GRIK4: variants seen among roughly 807,000 people sequenced by gnomAD.
The protein encoded by GRIK4 is glutamate ionotropic receptor kainate type subunit 4, also known as glutamate receptor ionotropic, kainate 4.
A neutral mutation model predicts 104.9 loss-of-function variants in GRIK4; 40 were observed. The observed-to-expected ratio is 0.38, with a 90% CI of 0.30 to 0.50. GRIK4 has a LOEUF of 0.50. Among genes scored for constraint, GRIK4 ranks in the 20% least tolerant of loss-of-function variants. The pLI is 0.93. For synonymous variants in GRIK4, 485 were observed against 524.9 expected (o/e 0.92, Z 1.04); for missense variants, 1,047 against 1,308.1 (o/e 0.80, Z 3.08).
In GRIK4 at chr11:120,882,354, G is replaced by A. The variant is rs76246970; in HGVS notation, c.1164+7111G>A. ...CAGATCCTTTGAAGCTGCTTCTGCC[G>A]GAGCCTGGCTCAGAGTGCTGGAGCC... On this transcript the variant is annotated intron_variant, in intron 11 of 20. Coordinates refer to ENST00000527524, the MANE Select transcript of GRIK4 (RefSeq NM_014619.5). 1.2e-4 allele frequency among the ~76,000 whole-genome samples: 18 copies of A among 152,330 alleles called. No homozygotes were observed. In the East Asian group the frequency reaches 2.7e-3, roughly 23 times the overall value.
At chr11:120,780,611 G>C (rs142521720) in intron 3 of GRIK4, among the ~76,000 whole-genome samples, 75 of 152,300 alleles carry the variant, frequency 4.9e-4, no homozygotes, top group African/African-American at 1.8e-3. Flanking sequence ...ATCAATTTGA[G>C]ACCCTGCTTT....
chr11:120,843,517 A>G (rs1442354549), intron 8 of GRIK4, among the ~76,000 whole-genome samples: 1 of 152,248 alleles, frequency 6.6e-6, no homozygotes, highest in African/African-American at 2.4e-5. Flanking sequence ...GTGTATGGCA[A>G]TATCAATAGT....
At chr11:120,982,263 A>G in intron 20 of GRIK4, 39 bp downstream of exon 20, 2 of 1,100,350 alleles carry the variant, frequency 1.8e-6, no homozygotes, top group Non-Finnish European at 2.8e-6. Context: ...GTGTTGGCAG[A>G]TGGGGTGAAG....
intron 19 of GRIK4, among the ~76,000 whole-genome samples, chr11:120,971,653 T>C (rs1041653843): frequency 8.5e-5 from 13 of 152,164 alleles, no homozygotes; most frequent in Non-Finnish European, 1.5e-5. Context: ...ATAGTTGCTG[T>C]AATGGTTGCA....
At chr11:120,746,345 A>G (rs1293021528) in intron 3 of GRIK4, among the ~76,000 whole-genome samples, 2 of 152,176 alleles carry the variant, frequency 1.3e-5, no homozygotes, top group Non-Finnish European at 2.9e-5. Context: ...GGGAGGTACA[A>G]CTGTGTAAGA....
rs1942802829 is a variant in GRIK4, at chr11:120,903,784, A to G, written c.1273-1506A>G. On this transcript the variant is annotated intron_variant, in intron 12 of 20. Coordinates refer to ENST00000527524, the MANE Select transcript of GRIK4 (RefSeq NM_014619.5). This position sits in a 1 kb window ranked among gnomAD's most constrained non-coding sequence, Gnocchi z 4.4. ...TGCCTCCCTTAGCTCCTAACCTGTC[A>G]AAATGCTGAACAGCCCTCACTCCTG... Among the ~76,000 whole-genome samples the G allele has an allele frequency of 6.6e-6, 1 of 152,140 alleles. No individual in the cohort carries two copies. The highest frequency in any genetic ancestry group is 2.4e-5 in the African/African-American group (1 of 41,426).
At chr11:120,918,738 T>A (rs1173584333) in intron 13 of GRIK4, among the ~76,000 whole-genome samples, 1 of 152,084 alleles carries the variant, frequency 6.6e-6, no homozygotes, top group Non-Finnish European at 1.5e-5. Context: ...CGTTAGCATG[T>A]GATATATACA....
chr11:120,846,408 C>A (rs1206594477), intron 8 of GRIK4, among the ~76,000 whole-genome samples: 1 of 152,158 alleles, frequency 6.6e-6, no homozygotes, highest in Non-Finnish European at 1.5e-5. Flanking sequence ...GGTGTGGCAG[C>A]CCAGAGGAGA....
At chr11:120,685,092 C>T (rs1950255556) in intron 3 of GRIK4, among the ~76,000 whole-genome samples, 1 of 152,134 alleles carries the variant, frequency 6.6e-6, no homozygotes, top group Non-Finnish European at 1.5e-5. Flanking sequence ...AGATCTGCTG[C>T]CATCTGTCGG....
chr11:120,740,340 C>G (rs981716311), intron 3 of GRIK4, among the ~76,000 whole-genome samples: 5 of 152,196 alleles, frequency 3.3e-5, no homozygotes, highest in Non-Finnish European at 7.3e-5. Context: ...TCACAGCCAG[C>G]CTTTTGCGGT....
At chr11:120,692,002 A>G (rs2135311443) in intron 3 of GRIK4, among the ~76,000 whole-genome samples, 1 of 152,320 alleles carries the variant, frequency 6.6e-6, no homozygotes, top group South Asian at 2.1e-4. Flanking sequence ...TATGATGTGC[A>G]TGTGGTTGGA....
intron 3 of GRIK4, among the ~76,000 whole-genome samples, chr11:120,728,882 A>G (rs1385843352): frequency 1.3e-5 from 2 of 152,140 alleles, no homozygotes; most frequent in African/African-American, 2.4e-5. Context: ...TATTGCACCA[A>G]TTAACTATCC....
intron 3 of GRIK4, among the ~76,000 whole-genome samples, chr11:120,737,139 G>T (rs1274662673): frequency 6.6e-6 from 1 of 152,098 alleles, no homozygotes; most frequent in African/African-American, 2.4e-5. Flanking sequence ...TATCTAATTG[G>T]TTATCTCCTG....
At chr11:120,822,035 A>G (rs73580678) in intron 6 of GRIK4, among the ~76,000 whole-genome samples, 8,028 of 151,720 alleles carry the variant, frequency 0.053, 714 homozygotes, top group African/African-American at 0.18. Context: ...TGTAGTAGAA[A>G]CCCCGTTTCT....
chr11:120,616,463 A>C (rs1337087971), intron 1 of GRIK4, among the ~76,000 whole-genome samples: 1 of 152,208 alleles, frequency 6.6e-6, no homozygotes, highest in Non-Finnish European at 1.5e-5. Context: ...TTCCTTAGGG[A>C]GCCATTATCT....
At chr11:120,651,175 C>CTG (rs1949614618) in intron 1 of GRIK4, among the ~76,000 whole-genome samples, 1 of 152,204 alleles carries the variant, frequency 6.6e-6, no homozygotes, top group Non-Finnish European at 1.5e-5. Flanking sequence ...ATCAGAGTGT[C>CTG]TGTGTACAAG....
At position 120,754,053 on chromosome 11, in the gene GRIK4, A is replaced by G. The variant is rs188372219; in HGVS notation, c.83-48640A>G. On this transcript the variant is annotated intron_variant, in intron 3 of 20. Coordinates refer to ENST00000527524, the MANE Select transcript of GRIK4 (RefSeq NM_014619.5). Reference sequence around the variant, plus strand: ...TTGGACATTTCTCTTTTTTTTGGAGACGGAGTCTTGCTGTGTCACTCAGGC... The same window carrying G: ...TTGGACATTTCTCTTTTTTTTGGAGGCGGAGTCTTGCTGTGTCACTCAGGC... Among the ~76,000 whole-genome samples the G allele has an allele frequency of 9.9e-5, 15 of 151,788 alleles. No homozygotes were observed. In the East Asian group the frequency reaches 2.9e-3, roughly 29 times the overall value.
In GRIK4 at chr11:120,819,722, C is replaced by T; in HGVS notation, c.346-33C>T. On this transcript the variant is annotated intron_variant, in intron 5 of 20. Coordinates refer to ENST00000527524, the MANE Select transcript of GRIK4 (RefSeq NM_014619.5). This position sits in a 1 kb window ranked among gnomAD's most constrained non-coding sequence, Gnocchi z 4.3. The stretch of plus-strand genomic sequence containing the variant: ...TTCTTCCTTTTCACCCACCTGGATC[C>T]TCCCTGCTGTCCGTTTTTGCTCCTC... The T allele has an allele frequency of 1.9e-6, 3 of 1,609,906 alleles. No individual in the cohort carries two copies. Among genetic ancestry groups the T allele is most frequent in the Non-Finnish European group, 2.6e-6 (3 of 1,176,336 alleles).
rs191902518 is a variant in GRIK4 at position 120,589,283 on chromosome 11, G to A, written c.-158-64402G>A. ...ACCTTGAGAGCCGCTGCACTACATC[G>A]TTTTAATTTACTGCCTAGGCCAACC... On this transcript the variant is annotated intron_variant, in intron 1 of 20. Transcript: ENST00000527524. Among the ~76,000 whole-genome samples, 728 of 152,328 alleles carry A rather than the reference G, an allele frequency of 4.8e-3. 8 individuals carry two copies. The highest frequency in any genetic ancestry group is 5.1e-3 in the Non-Finnish European group (347 of 68,026).
Sources: gnomAD v4.1 joint callset for allele counts (sites outside exome capture counted in the v4.1 genomes callset) on GRCh38, gnomAD v4.1.1 for gene constraint, Gnocchi (gnomAD v3.1) non-coding constraint, MANE v1.5 for transcripts, NCBI Gene and HGNC (gene_info 2026-07-23, HGNC 2026-07-21) for gene names.